Variants in MVB12B observed in about 807,000 individuals in gnomAD.
The protein encoded by MVB12B is ESCRT-I complex subunit MVB12B.
Under a neutral mutation model 41.6 loss-of-function variants are expected in MVB12B, and 16 were observed. The ratio of observed to expected loss-of-function variants is 0.38; its 90% CI spans 0.26 to 0.58. The LOEUF (loss-of-function observed/expected upper bound fraction) is 0.58, where lower values mean the gene tolerates loss of function less well. MVB12B is among the 20% of genes least tolerant of loss of function. MVB12B has a pLI of 0.62. For synonymous variants in MVB12B, 133 were observed against 139.7 expected (o/e 0.95, Z 0.34); for missense variants, 274 against 380.2 (o/e 0.72, Z 2.32).
intron 7 of MVB12B, among the ~76,000 whole-genome samples, chr9:126,455,345 G>A (rs1034336870): frequency 6.6e-6 from 1 of 151,668 alleles, no homozygotes; most frequent in Non-Finnish European, 1.5e-5. Context: ...GTGCCACCAC[G>A]CCCAGCTAAT....
chr9:126,422,248 G>A (rs926536652), intron 7 of MVB12B, among the ~76,000 whole-genome samples: 3 of 152,188 alleles, frequency 2.0e-5, no homozygotes, highest in Middle Eastern at 3.2e-3. Flanking sequence ...TGCCAGACCC[G>A]GGCAGGCTTC....
At chr9:126,398,152 G>A (rs893396479) in intron 6 of MVB12B, among the ~76,000 whole-genome samples, 1 of 151,830 alleles carries the variant, frequency 6.6e-6, no homozygotes, top group Non-Finnish European at 1.5e-5. Flanking sequence ...CTTCTCTCCC[G>A]GGAAGCCCTC....
At chr9:126,378,970 C>T (rs1830563068) in intron 2 of MVB12B, among the ~76,000 whole-genome samples, 1 of 152,176 alleles carries the variant, frequency 6.6e-6, no homozygotes, top group Non-Finnish European at 1.5e-5. Flanking sequence ...TTAGAATGCA[C>T]AGCACCCCTC....
At chr9:126,419,484 C>T (rs2119083493) in intron 6 of MVB12B, among the ~76,000 whole-genome samples, 1 of 152,316 alleles carries the variant, frequency 6.6e-6, no homozygotes, top group East Asian at 1.9e-4. Context: ...GCTCCCATAC[C>T]TGCCTCGAGG....
In MVB12B at chr9:126,386,171, C is replaced by G. The variant is rs941915826; in HGVS notation, c.313-391C>G. ...CTGTTAGGTTTAGATGCAGCTCTTT[C>G]CTACGAGTGCCTCAGGAATTTGCTC... On this transcript the variant is annotated intron_variant, in intron 3 of 9. Coordinates refer to ENST00000361171, the MANE Select transcript of MVB12B (RefSeq NM_033446.3). The surrounding 1 kb of genome is among the most constrained non-coding windows in gnomAD (Gnocchi z 4.3). Among the ~76,000 whole-genome samples the G allele has an allele frequency of 6.6e-6, 1 of 152,186 alleles. No individual in the cohort carries two copies. The highest frequency in any genetic ancestry group is 1.5e-5 in the Non-Finnish European group (1 of 68,030).
chr9:126,329,381 C>T (rs1393408219), intron 1 of MVB12B, among the ~76,000 whole-genome samples: 2 of 152,218 alleles, frequency 1.3e-5, no homozygotes, highest in Non-Finnish European at 2.9e-5. Flanking sequence ...ATTCAGCATC[C>T]AGCAGCAGAT....
intron 2 of MVB12B, among the ~76,000 whole-genome samples, chr9:126,360,534 A>G (rs1161012267): frequency 6.6e-6 from 1 of 152,230 alleles, no homozygotes; most frequent in African/African-American, 2.4e-5. Context: ...TACACTTGAA[A>G]AGAATGTATA....
chr9:126,460,828 C>T (rs532474601), intron 7 of MVB12B, among the ~76,000 whole-genome samples: 22 of 152,242 alleles, frequency 1.4e-4, no homozygotes, highest in African/African-American at 5.3e-4. Context: ...CTGCTCTTTG[C>T]CTGAGTGGCC....
chr9:126,455,858 C>T (rs949586223), intron 7 of MVB12B, among the ~76,000 whole-genome samples: 1 of 147,954 alleles, frequency 6.8e-6, no homozygotes, highest in South Asian at 2.2e-4. Context: ...AGACAATAAA[C>T]TTTGATAGGT....
intron 7 of MVB12B, among the ~76,000 whole-genome samples, chr9:126,462,113 C>T (rs1400884791): frequency 6.6e-6 from 1 of 152,212 alleles, no homozygotes; most frequent in African/African-American, 2.4e-5. Context: ...TCTATCAAGT[C>T]ATTAATGTGT....
intron 2 of MVB12B, 63 bp from the exon 3 acceptor site, chr9:126,381,001 C>T: frequency 2.3e-6 from 3 of 1,304,458 alleles, no homozygotes; most frequent in South Asian, 2.4e-5. Context: ...AGAAGTGGCC[C>T]ACGCGCACCT....
chr9:126,395,714 G>C lies in MVB12B; in HGVS notation c.662+17G>C. 1 of 1,613,606 alleles carries C rather than the reference G, an allele frequency of 6.2e-7. No homozygotes were observed. The highest frequency in any genetic ancestry group is 8.5e-7 in the Non-Finnish European group (1 of 1,179,764). On this transcript the variant is annotated intron_variant, in intron 6 of 9. Coordinates refer to ENST00000361171, the MANE Select transcript of MVB12B (RefSeq NM_033446.3). The surrounding 1 kb of genome is among the most constrained non-coding windows in gnomAD (Gnocchi z 4.9). Reference sequence around the variant, plus strand: ...CCTTCCCAGGTGAGGCCTTGTCGGGGTGTCTTGCGTTGTCCTGTGGTCTTA... The same window carrying C: ...CCTTCCCAGGTGAGGCCTTGTCGGGCTGTCTTGCGTTGTCCTGTGGTCTTA...
In MVB12B at chr9:126,349,476, G is replaced by A. The variant is rs7018695; in HGVS notation, c.204+8846G>A. On this transcript the variant is annotated intron_variant, in intron 2 of 9. Coordinates refer to ENST00000361171, the MANE Select transcript of MVB12B (RefSeq NM_033446.3). ...CACCATAAGGATCTTTCATGTTGTC[G>A]TTTTATAGCTACACTCACTTCCCTT... is the stretch of plus-strand genomic sequence containing the variant. Among the ~76,000 whole-genome samples, 969 of 152,212 alleles carry A rather than the reference G, an allele frequency of 6.4e-3. 14 individuals carry two copies. The highest frequency in any genetic ancestry group is 0.022 in the African/African-American group (910 of 41,542).
chr9:126,430,917 G>A (rs1256621137), intron 7 of MVB12B, among the ~76,000 whole-genome samples: 7 of 152,190 alleles, frequency 4.6e-5, no homozygotes, highest in East Asian at 1.9e-4. Context: ...AGTAATGCCC[G>A]TTTCCTTCCT....
At chr9:126,418,342 T>G (rs1445818538) in intron 6 of MVB12B, among the ~76,000 whole-genome samples, 1 of 152,202 alleles carries the variant, frequency 6.6e-6, no homozygotes, top group Non-Finnish European at 1.5e-5. Context: ...GATTTCTCTG[T>G]TGTTCATATA....
intron 7 of MVB12B, among the ~76,000 whole-genome samples, chr9:126,477,843 C>T (rs1211312669): frequency 2.6e-5 from 4 of 152,208 alleles, no homozygotes; most frequent in African/African-American, 9.6e-5. Context: ...CTGGGCAACC[C>T]ATTCTTCCTC....
rs567217742 is a variant in MVB12B, at chr9:126,420,561, CTTTTTTTTTTTTTTT to C, written c.663-1274_663-1260del. ...CTGGAGAGCCTTTCCTCCCAGGAGT[CTTTTTTTTTTTTTTT>C]TTTTTTTTTTTTTTTTTTGAGGCAG... On this transcript the variant is annotated intron_variant, in intron 6 of 9. Coordinates refer to ENST00000361171, the MANE Select transcript of MVB12B (RefSeq NM_033446.3). Among the ~76,000 whole-genome samples, 65 of 98,866 alleles carry C rather than the reference CTTTTTTTTTTTTTTT, an allele frequency of 6.6e-4. 1 individual carries two copies. Among genetic ancestry groups the C allele is most frequent in the East Asian group, 3.0e-3 (10 of 3,320 alleles). The allele number at this position is 98,866 out of a possible 152,430, so 64.9% of individuals were successfully genotyped here. A position where few individuals can be genotyped will look rare whatever the true frequency, so the allele number is the denominator to read the frequency against.
chr9:126,374,786 T>C (rs934786903), intron 2 of MVB12B, among the ~76,000 whole-genome samples: 1 of 152,242 alleles, frequency 6.6e-6, no homozygotes, highest in African/African-American at 2.4e-5. Flanking sequence ...TTGCTAGTCA[T>C]GTCCCTGATG....
In MVB12B at chr9:126,376,451, G is replaced by A. The variant is rs1292747555; in HGVS notation, c.205-4613G>A. The A allele has an allele frequency of 8.2e-7, 1 of 1,226,390 alleles. No individual in the cohort carries two copies. The highest frequency in any genetic ancestry group is 5.7e-5 in the East Asian group (1 of 17,686). 76.0% of individuals were successfully genotyped at this position (1,226,390 alleles called of 1,614,324 possible). On this transcript the variant is annotated intron_variant, in intron 2 of 9. Transcript: ENST00000361171. The surrounding 1 kb of genome is among the most constrained non-coding windows in gnomAD (Gnocchi z 4.1). ...GTTGTGGGTTGGGATTTAAGATGGA[G>A]GCACCAGCTCATGGGCTGGAGCCCT...
Sources: gnomAD v4.1 joint callset for allele counts (sites outside exome capture counted in the v4.1 genomes callset) on GRCh38, gnomAD v4.1.1 for gene constraint, Gnocchi (gnomAD v3.1) non-coding constraint, MANE v1.5 for transcripts, NCBI Gene and HGNC (gene_info 2026-07-23, HGNC 2026-07-21) for gene names.